DPF3: variants seen among roughly 807,000 people sequenced by gnomAD.
The protein encoded by DPF3 is double PHD fingers 3, also known as zinc finger protein DPF3.
In DPF3, 18 loss-of-function variants were observed where a neutral mutation model predicts 56.8. The observed-to-expected ratio is 0.32, with a 90% confidence interval of 0.22 to 0.47. The LOEUF is 0.47. Ranked by LOEUF, DPF3 falls within the 20% of genes least tolerant of loss-of-function variation. DPF3 has a pLI of 1.00. For synonymous variants in DPF3, 188 were observed against 180.2 expected (o/e 1.04, Z -0.35); for missense variants, 403 against 488.8 (o/e 0.82, Z 1.65).
chr14:72,681,890 G>C (rs1237003897), intron 7 of DPF3, among the ~76,000 whole-genome samples: 1 of 152,226 alleles, frequency 6.6e-6, no homozygotes, highest in Non-Finnish European at 1.5e-5. Flanking sequence ...TGCCATTAAT[G>C]CTTCGGAATA....
intron 6 of DPF3, among the ~76,000 whole-genome samples, chr14:72,712,757 C>T (rs1040503808): frequency 1.3e-5 from 2 of 152,152 alleles, no homozygotes; most frequent in Non-Finnish European, 2.9e-5. Context: ...GTCCTAGCTA[C>T]TGCGTATGCT....
chr14:72,622,930 C>T (rs919053022), intron 9 of DPF3, among the ~76,000 whole-genome samples: 4 of 152,172 alleles, frequency 2.6e-5, no homozygotes, highest in African/African-American at 9.7e-5. Context: ...AAGCCAAAGA[C>T]CAGCGTCAAC....
intron 7 of DPF3, among the ~76,000 whole-genome samples, chr14:72,691,155 G>A (rs1158814825): frequency 6.6e-6 from 1 of 152,174 alleles, no homozygotes; most frequent in Non-Finnish European, 1.5e-5. Flanking sequence ...CTGCTCTGCT[G>A]TTCAGGTTCT....
intron 1 of DPF3, among the ~76,000 whole-genome samples, chr14:72,878,721 GAAAGCAAAGCAA>G (rs1197515233): frequency 1.3e-5 from 2 of 152,226 alleles, no homozygotes; most frequent in Non-Finnish European, 2.9e-5. Context: ...TCCCCTGAAA[GAAAGCAAAGCAA>G]AAAGGTTTGT....
chr14:72,788,788 G>A (rs756941598), intron 1 of DPF3, among the ~76,000 whole-genome samples: 1 of 152,178 alleles, frequency 6.6e-6, no homozygotes, highest in Non-Finnish European at 1.5e-5. Flanking sequence ...AGGGGTTGGT[G>A]GGTTGTCCCT....
chr14:72,867,271 T>G (rs989107508), intron 1 of DPF3, among the ~76,000 whole-genome samples: 1 of 152,150 alleles, frequency 6.6e-6, no homozygotes, highest in African/African-American at 2.4e-5. Flanking sequence ...GTAAGGGAGA[T>G]GAGTTGCACT....
At chr14:72,814,788 C>T (rs958381224) in intron 1 of DPF3, among the ~76,000 whole-genome samples, 2 of 150,226 alleles carry the variant, frequency 1.3e-5, no homozygotes, top group African/African-American at 2.5e-5. Context: ...CCAGCCTAGG[C>T]GACAGAGCGA....
intron 5 of DPF3, among the ~76,000 whole-genome samples, chr14:72,717,031 C>T (rs965441820): frequency 1.3e-5 from 2 of 152,150 alleles, no homozygotes; most frequent in Admixed American, 1.3e-4. Context: ...AGCCCATGGT[C>T]ATAGGTTCAC....
chr14:72,830,270 G>A (rs1424777885), intron 1 of DPF3, among the ~76,000 whole-genome samples: 1 of 152,206 alleles, frequency 6.6e-6, no homozygotes, highest in Non-Finnish European at 1.5e-5. Context: ...TGGCAGTGGA[G>A]GGGAAGGAGA....
At chr14:72,762,870 T>C (rs1891121212) in intron 2 of DPF3, among the ~76,000 whole-genome samples, 1 of 152,006 alleles carries the variant, frequency 6.6e-6, no homozygotes, top group Non-Finnish European at 1.5e-5. Context: ...TAGAAAATGC[T>C]ACAGAATCTA....
At chr14:72,848,609 C>T (rs1332143297) in intron 1 of DPF3, among the ~76,000 whole-genome samples, 1 of 152,166 alleles carries the variant, frequency 6.6e-6, no homozygotes, top group Non-Finnish European at 1.5e-5. Context: ...AGTAGTTGCT[C>T]AGTAAATATT....
chr14:72,794,863 C>G (rs948336447), intron 1 of DPF3, among the ~76,000 whole-genome samples: 1 of 152,122 alleles, frequency 6.6e-6, no homozygotes, highest in Admixed American at 6.5e-5. Context: ...CAGTTTCTTC[C>G]TTGACTTTTC....
At chr14:72,772,623 G>GATTA (rs145048386) in intron 1 of DPF3, among the ~76,000 whole-genome samples, 10,938 of 152,248 alleles carry the variant, frequency 0.072, 592 homozygotes, top group South Asian at 0.17. Context: ...CTGAGAATCT[G>GATTA]ATTAAGCACA....
At chr14:72,843,757 G>T (rs1227679968) in intron 1 of DPF3, among the ~76,000 whole-genome samples, 1 of 152,112 alleles carries the variant, frequency 6.6e-6, no homozygotes, top group East Asian at 1.9e-4. Flanking sequence ...GGTCAGGCTG[G>T]TCTCAAACTC....
chr14:72,774,947 G>A (rs1891690884), intron 1 of DPF3, among the ~76,000 whole-genome samples: 3 of 152,214 alleles, frequency 2.0e-5, no homozygotes, highest in African/African-American at 4.8e-5. Flanking sequence ...CTTCTGCTAT[G>A]GCGATGTAGC....
At chr14:72,871,181 A>G (rs1236130802) in intron 1 of DPF3, among the ~76,000 whole-genome samples, 1 of 152,176 alleles carries the variant, frequency 6.6e-6, no homozygotes, top group East Asian at 1.9e-4. Context: ...ACCTCCCACA[A>G]CATGTGGGAA....
intron 1 of DPF3, chr14:72,880,074 G>T: frequency 9.4e-7 from 1 of 1,064,874 alleles, no homozygotes; most frequent in Non-Finnish European, 1.3e-6. Flanking sequence ...AACAGACATA[G>T]TAAGTTTTCA....
At chr14:72,732,871 TTC>T (rs963432930) in intron 3 of DPF3, among the ~76,000 whole-genome samples, 4 of 151,778 alleles carry the variant, frequency 2.6e-5, no homozygotes, top group East Asian at 3.9e-4. Flanking sequence ...TTTCTTTCCA[TTC>T]TCTCTTTCTT....
intron 8 of DPF3, among the ~76,000 whole-genome samples, chr14:72,639,450 T>G (rs1485762661): frequency 6.6e-6 from 1 of 152,202 alleles, no homozygotes; most frequent in Non-Finnish European, 1.5e-5. Context: ...TGATGAGATG[T>G]CACTTATAAT....
Sources: allele counts gnomAD v4.1 joint callset (sites outside exome capture counted in the v4.1 genomes callset), GRCh38; gene constraint gnomAD v4.1.1; transcripts MANE v1.5; gene names NCBI Gene and HGNC (gene_info 2026-07-23, HGNC 2026-07-21).